The following TRABD2B variants were observed in gnomAD, a reference collection of about 807,000 sequenced individuals.
TRABD2B encodes the protein metalloprotease TIKI2.
TRABD2B carries 14 observed loss-of-function variants against 40.1 expected under a neutral mutation model. That is an observed-to-expected ratio of 0.35 (90% confidence interval 0.23 to 0.55). TRABD2B has a LOEUF of 0.55. Among genes scored for constraint, TRABD2B ranks in the 20% least tolerant of loss-of-function variants. TRABD2B has a pLI of 0.90. For missense variants in TRABD2B, 541 were observed against 648.6 expected, an observed-to-expected ratio of 0.83 and a Z score of 1.80; for synonymous variants, 263 against 277.0, an observed-to-expected ratio of 0.95 and a Z score of 0.50.
chr1:47,911,408 G>A (rs973118234), intron 2 of TRABD2B, among the ~76,000 whole-genome samples: 1 of 152,214 alleles, frequency 6.6e-6, no homozygotes, highest in South Asian at 2.1e-4. Context: ...ATGACAGAAA[G>A]AGTAAGATGT....
rs115425660 is a variant in TRABD2B at position 47,767,118 on chromosome 1, G to A, written c.1350-1012C>T. 3.2e-3 allele frequency among the ~76,000 whole-genome samples: 494 copies of A among 152,328 alleles called. 5 individuals are homozygous for A. Among genetic ancestry groups the A allele is most frequent in the African/African-American group, 0.011 (478 of 41,572 alleles). On this transcript the variant is annotated intron_variant, in intron 6 of 6. Coordinates refer to ENST00000606738, the MANE Select transcript of TRABD2B (RefSeq NM_001194986.2). ...GAGGAGGGAGTGCACAACTACAGAG[G>A]CCTAGCAGAGAGGTCAGGAGGCTGA...
intron 2 of TRABD2B, among the ~76,000 whole-genome samples, chr1:47,937,643 A>G (rs1405010305): frequency 9.3e-6 from 1 of 107,708 alleles, no homozygotes; most frequent in Non-Finnish European, 2.0e-5. Context: ...AATTTTTAGG[A>G]AAAAAAAAAA....
At chr1:47,796,794 C>G (rs564169222) in intron 3 of TRABD2B, among the ~76,000 whole-genome samples, 1 of 152,298 alleles carries the variant, frequency 6.6e-6, no homozygotes, top group African/African-American at 2.4e-5. Flanking sequence ...CTACATACCC[C>G]CTTTGAAAGC....
chr1:47,766,594 C>G (rs748011818), intron 6 of TRABD2B, among the ~76,000 whole-genome samples: 6 of 152,204 alleles, frequency 3.9e-5, no homozygotes, highest in African/African-American at 7.2e-5. Flanking sequence ...CCATCATGAG[C>G]TCAGCACTTT....
chr1:47,886,935 G>A (rs72898113), intron 2 of TRABD2B, among the ~76,000 whole-genome samples: 16,209 of 152,034 alleles, frequency 0.11, 1,432 homozygotes, highest in African/African-American at 0.2. Context: ...CATCACACTT[G>A]GTAAACAGTT....
chr1:47,968,742 A>T (rs1237630795), intron 2 of TRABD2B, among the ~76,000 whole-genome samples: 1 of 152,162 alleles, frequency 6.6e-6, no homozygotes, highest in African/African-American at 2.4e-5. Context: ...TTCTTCTCCT[A>T]TTTCCACAGC....
chr1:47,977,696 C>A lies in TRABD2B; in HGVS notation c.666+16338G>T, dbSNP rs866735460. 1.9e-3 allele frequency among the ~76,000 whole-genome samples: 241 copies of A among 126,872 alleles called. 1 individual carries two copies. Among genetic ancestry groups the A allele is most frequent in the African/African-American group, 6.1e-3 (214 of 35,014 alleles). The allele number at this position is 126,872 out of a possible 152,430, so 83.2% of individuals were successfully genotyped here. On this transcript the variant is annotated intron_variant, in intron 2 of 6. Coordinates refer to ENST00000606738, the MANE Select transcript of TRABD2B (RefSeq NM_001194986.2). The stretch of plus-strand genomic sequence containing the variant: ...GGCCGGGATGAAAAAAAAAAAAAAA[C>A]ACACAGGAATAAGGAACCAAGAGGA...
chr1:47,899,718 G>A (rs531228538), intron 2 of TRABD2B, among the ~76,000 whole-genome samples: 1 of 152,302 alleles, frequency 6.6e-6, no homozygotes, highest in Admixed American at 6.5e-5. Flanking sequence ...GTGGTGGGTA[G>A]ATACAGCATT....
intron 2 of TRABD2B, among the ~76,000 whole-genome samples, chr1:47,969,909 T>G (rs1645656713): frequency 6.6e-6 from 1 of 152,100 alleles, no homozygotes; most frequent in Admixed American, 6.5e-5. Context: ...CCCCTTCCAG[T>G]GTCCGACTTC....
intron 4 of TRABD2B, among the ~76,000 whole-genome samples, chr1:47,787,163 A>T (rs79176559): frequency 0.015 from 2,314 of 152,266 alleles, 88 homozygotes; most frequent in Admixed American, 0.089. Context: ...GACTATGGAG[A>T]TGATGAGTAA....
chr1:47,888,212 G>A (rs375811175), intron 2 of TRABD2B, among the ~76,000 whole-genome samples: 184 of 152,272 alleles, frequency 1.2e-3, no homozygotes, highest in African/African-American at 3.9e-3. Flanking sequence ...TTAGCCTGAC[G>A]GGCCTGAAAG....
intron 6 of TRABD2B, among the ~76,000 whole-genome samples, chr1:47,772,912 A>C (rs1644395279): frequency 6.6e-6 from 1 of 152,224 alleles, no homozygotes; most frequent in Non-Finnish European, 1.5e-5. Flanking sequence ...AAGTTAGCCA[A>C]CTGCAATTTA....
At chr1:47,768,224 CTTTA>C (rs1644330904) in intron 6 of TRABD2B, among the ~76,000 whole-genome samples, 1 of 152,168 alleles carries the variant, frequency 6.6e-6, no homozygotes. Flanking sequence ...GATCTTCTGT[CTTTA>C]GAGAGACTCC....
chr1:47,793,862 C>A (rs1248213422), intron 4 of TRABD2B, among the ~76,000 whole-genome samples: 1 of 152,082 alleles, frequency 6.6e-6, no homozygotes, highest in Non-Finnish European at 1.5e-5. Context: ...GAGCCCTGCA[C>A]CTGAACATGT....
chr1:47,766,087 G>T lies in TRABD2B; in HGVS notation c.1369C>A (p.Pro457Thr). ...CTGTGGGTGGGCTGCAGGGGCAGCG[G>T]GGGTGGTGAGGCGGTGGTGCTGGAA... is the stretch of plus-strand genomic sequence containing the variant. ...IEDSTTASPP[P>T]LPLQPTHSSG... is the part of the protein sequence containing the mutation. Residue 457 changes from proline (P) to threonine (T), a missense_variant, in exon 7 of 7, where the codon CCG becomes ACG. Transcript: ENST00000606738. 2.9e-6 allele frequency: 2 copies of T among 701,422 alleles called. No homozygotes were observed. The highest frequency in any genetic ancestry group is 5.2e-6 in the Non-Finnish European group (2 of 384,246). 43.4% of individuals were successfully genotyped at this position (701,422 alleles called of 1,614,324 possible).
At position 47,822,992 on chromosome 1, in the gene TRABD2B, G is replaced by C. The variant is rs540115502; in HGVS notation, c.667-21373C>G. 2.6e-4 allele frequency among the ~76,000 whole-genome samples: 40 copies of C among 152,348 alleles called. 1 individual carries two copies. Among genetic ancestry groups the C allele is most frequent in the African/African-American group, 8.9e-4 (37 of 41,588 alleles). On this transcript the variant is annotated intron_variant, in intron 2 of 6. Coordinates refer to ENST00000606738, the MANE Select transcript of TRABD2B (RefSeq NM_001194986.2). ...TCTTCCCTGAAGGCCTCTCATTCCA[G>C]GGGTGGACTCCTTCTCCACCCTAAG... is the stretch of plus-strand genomic sequence containing the variant.
At chr1:47,855,691 G>A (rs1457782456) in intron 2 of TRABD2B, among the ~76,000 whole-genome samples, 1 of 152,236 alleles carries the variant, frequency 6.6e-6, no homozygotes, top group Non-Finnish European at 1.5e-5. Context: ...GGTAATTGGA[G>A]ATGGGGGCTT....
chr1:47,993,641 C>A (rs1381747652), intron 2 of TRABD2B, among the ~76,000 whole-genome samples: 1 of 152,154 alleles, frequency 6.6e-6, no homozygotes, highest in African/African-American at 2.4e-5. Flanking sequence ...GCACTGTCCA[C>A]ACACCAGCCT....
At chr1:47,774,707 A>G (rs1486268895) in intron 6 of TRABD2B, among the ~76,000 whole-genome samples, 1 of 152,198 alleles carries the variant, frequency 6.6e-6, no homozygotes, top group East Asian at 1.9e-4. Flanking sequence ...ATTGATCACC[A>G]TCTATCCCAT....
Sources: gnomAD v4.1 joint callset for allele counts (sites outside exome capture counted in the v4.1 genomes callset) on GRCh38, gnomAD v4.1.1 for gene constraint, MANE v1.5 for transcripts, NCBI Gene and HGNC (gene_info 2026-07-23, HGNC 2026-07-21) for gene names.